OPCML: variants seen among roughly 807,000 people sequenced by gnomAD.
The protein encoded by OPCML is opioid-binding protein/cell adhesion molecule.
In OPCML, 13 loss-of-function variants were observed where a neutral mutation model predicts 37.8. The ratio of observed to expected loss-of-function variants is 0.34; its 90% CI spans 0.22 to 0.55. The LOEUF (loss-of-function observed/expected upper bound fraction) is 0.55. Among genes scored for constraint, OPCML ranks in the 20% least tolerant of loss-of-function variants. The pLI is 0.91. For missense variants in OPCML, 341 were observed against 435.6 expected, an observed-to-expected ratio of 0.78 and a Z score of 1.93; for synonymous variants, 176 against 168.8, an observed-to-expected ratio of 1.04 and a Z score of -0.33.
intron 3 of OPCML, among the ~76,000 whole-genome samples, chr11:132,551,426 G>A (rs1292560864): frequency 1.3e-5 from 2 of 152,084 alleles, no homozygotes; most frequent in East Asian, 3.9e-4. Context: ...CCTTTCCCAG[G>A]GCAAATCCCT....
intron 4 of OPCML, among the ~76,000 whole-genome samples, chr11:132,498,334 A>C (rs551166637): frequency 4.3e-4 from 66 of 152,296 alleles, no homozygotes; most frequent in African/African-American, 1.5e-3. Context: ...TTTTCTTGTG[A>C]TTCTCACAGC....
At chr11:132,637,099 T>G (rs1367273937) in intron 3 of OPCML, among the ~76,000 whole-genome samples, 1 of 151,902 alleles carries the variant, frequency 6.6e-6, no homozygotes, top group Non-Finnish European at 1.5e-5. Context: ...ATTTATATAT[T>G]TTTTACTTCT....
At chr11:133,210,806 T>G (rs1379258258) in intron 1 of OPCML, among the ~76,000 whole-genome samples, 1 of 152,174 alleles carries the variant, frequency 6.6e-6, no homozygotes, top group Non-Finnish European at 1.5e-5. Context: ...TCCGGACATT[T>G]TTTTAACTTC....
rs201696560 is a variant in OPCML at position 132,820,191 on chromosome 11, T to A, written c.146+122735A>T. ...TTGGGTTCTTAGGAGCCCGTAAAAG[T>A]AAGGTCATTAACCTCTAGTTAATGG... On this transcript the variant is annotated intron_variant, in intron 2 of 7. Transcript: ENST00000524381. Among the ~76,000 whole-genome samples, 10 of 152,242 alleles carry A rather than the reference T, an allele frequency of 6.6e-5. No homozygotes were observed. In the East Asian group the frequency reaches 1.9e-3, roughly 29 times the overall value.
rs73036815 is a variant in OPCML at position 132,558,814 on chromosome 11, T to C, written c.380-29628A>G. Among the ~76,000 whole-genome samples, 1,112 of 152,030 alleles carry C rather than the reference T, an allele frequency of 7.3e-3. 5 individuals carry two copies. The highest frequency in any genetic ancestry group is 0.011 in the Non-Finnish European group (755 of 68,010). ...TTCTTTACCCTGATTCTGTTGATGATTGCATAATTGTTGACCGTTCAATTT... is the reference window on the plus strand; with the variant it reads ...TTCTTTACCCTGATTCTGTTGATGACTGCATAATTGTTGACCGTTCAATTT... On this transcript the variant is annotated intron_variant, in intron 3 of 7. Coordinates refer to ENST00000524381, the MANE Select transcript of OPCML (RefSeq NM_001012393.5).
chr11:133,017,741 T>C (rs1175432769), intron 1 of OPCML, among the ~76,000 whole-genome samples: 2 of 152,226 alleles, frequency 1.3e-5, no homozygotes, highest in African/African-American at 4.8e-5. Flanking sequence ...ATACAGATGC[T>C]CATTATACTC....
rs960765912 is a variant in OPCML, at chr11:132,631,362, T to C, written c.379+25725A>G. ...AAATAACCATATATACATATATATA[T>C]ATATATATATATATCTCCTAGGTGT... is the stretch of plus-strand genomic sequence containing the variant. On this transcript the variant is annotated intron_variant, in intron 3 of 7. Transcript: ENST00000524381. Among the ~76,000 whole-genome samples the C allele has an allele frequency of 2.6e-4, 39 of 147,964 alleles. 1 individual carries two copies. The highest frequency in any genetic ancestry group is 5.4e-4 in the Admixed American group (8 of 14,794).
intron 2 of OPCML, among the ~76,000 whole-genome samples, chr11:132,817,699 G>T (rs1176689271): frequency 6.6e-6 from 1 of 151,994 alleles, no homozygotes; most frequent in Non-Finnish European, 1.5e-5. Flanking sequence ...GAGGCAAAAG[G>T]GAGGGATTAG....
At chr11:132,478,561 A>G (rs934373847) in intron 4 of OPCML, among the ~76,000 whole-genome samples, 57 of 152,362 alleles carry the variant, frequency 3.7e-4, no homozygotes, top group African/African-American at 1.3e-3. Flanking sequence ...TTGGGGGAAT[A>G]AAGTCCTTAA....
At chr11:133,166,601 A>G (rs557776931) in intron 1 of OPCML, among the ~76,000 whole-genome samples, 1 of 152,326 alleles carries the variant, frequency 6.6e-6, no homozygotes, top group South Asian at 2.1e-4. Context: ...ATTTGCCGAG[A>G]ATTGTGTTTG....
At chr11:133,216,912 T>C (rs1939608109) in intron 1 of OPCML, among the ~76,000 whole-genome samples, 1 of 152,232 alleles carries the variant, frequency 6.6e-6, no homozygotes, top group African/African-American at 2.4e-5. Context: ...ATATGTAATG[T>C]ATTTATAGAT....
chr11:132,633,529 C>T lies in OPCML; in HGVS notation c.379+23558G>A, dbSNP rs147273471. The stretch of plus-strand genomic sequence containing the variant: ...CTGAGCCTCAGGATTCGACCCCACT[C>T]CCCCAGTCACAGGAAGTGCGAGGAG... On this transcript the variant is annotated intron_variant, in intron 3 of 7. Coordinates refer to ENST00000524381, the MANE Select transcript of OPCML (RefSeq NM_001012393.5). Among the ~76,000 whole-genome samples the T allele has an allele frequency of 5.3e-3, 803 of 152,262 alleles. 8 individuals carry two copies. Among genetic ancestry groups the T allele is most frequent in the African/African-American group, 0.018 (752 of 41,544 alleles).
chr11:133,226,026 C>A (rs908070967), intron 1 of OPCML, among the ~76,000 whole-genome samples: 4 of 152,236 alleles, frequency 2.6e-5, no homozygotes, highest in South Asian at 2.1e-4. Context: ...GGCTAAGTTA[C>A]CTGCACCAGT....
intron 1 of OPCML, among the ~76,000 whole-genome samples, chr11:133,517,602 G>T (rs1948308364): frequency 6.6e-6 from 1 of 152,206 alleles, no homozygotes; most frequent in African/African-American, 2.4e-5. Context: ...AAGGAGCTGT[G>T]GGAAGCTATC....
intron 1 of OPCML, among the ~76,000 whole-genome samples, chr11:133,316,408 C>G (rs1383262116): frequency 1.3e-5 from 2 of 152,116 alleles, no homozygotes; most frequent in Non-Finnish European, 2.9e-5. Flanking sequence ...TGTCCTCACT[C>G]ATAAGTGGGA....
intron 1 of OPCML, among the ~76,000 whole-genome samples, chr11:133,451,228 A>T (rs563877127): frequency 6.6e-6 from 1 of 151,876 alleles, no homozygotes; most frequent in East Asian, 1.9e-4. Context: ...CTGGATACAC[A>T]CAACAAAATT....
Position 133,005,401 on chromosome 11 carries a change from C to G in OPCML, c.62-62391G>C, listed in dbSNP as rs534301651. 1.5e-5 allele frequency: 15 copies of G among 985,292 alleles called. No individual in the cohort carries two copies. The South Asian group carries it at 6.6e-4, about 43-fold the overall frequency. 61.0% of individuals were successfully genotyped at this position (985,292 alleles called of 1,614,324 possible). A position where few individuals can be genotyped will look rare whatever the true frequency, so the allele number is the denominator to read the frequency against. On this transcript the variant is annotated intron_variant, in intron 1 of 7. Transcript: ENST00000524381. ...TCTCAGATATCTGTCTACATTAATG[C>G]TTTTTCACCCTAACACCCATGTTCT...
chr11:133,236,648 A>G (rs888226185), intron 1 of OPCML, among the ~76,000 whole-genome samples: 1 of 152,226 alleles, frequency 6.6e-6, no homozygotes, highest in African/African-American at 2.4e-5. Flanking sequence ...CTTAGCTCCC[A>G]CAATTTAGCC....
At chr11:133,476,385 G>C (rs1226582314) in intron 1 of OPCML, among the ~76,000 whole-genome samples, 1 of 54,938 alleles carries the variant, frequency 1.8e-5, no homozygotes, top group African/African-American at 6.3e-5. Flanking sequence ...TTTGTACTCT[G>C]TTGTTAGTTT....
Sources: gnomAD v4.1 joint callset for allele counts (sites outside exome capture counted in the v4.1 genomes callset) on GRCh38, gnomAD v4.1.1 for gene constraint, MANE v1.5 for transcripts, NCBI Gene and HGNC (gene_info 2026-07-23, HGNC 2026-07-21) for gene names.